The following RERE variants were observed in gnomAD, a reference collection of about 807,000 sequenced individuals.
RERE encodes arginine-glutamic acid dipeptide repeats.
A neutral mutation model predicts 146.1 loss-of-function variants in RERE; 40 were observed. That is an observed-to-expected ratio of 0.27 (90% CI 0.21 to 0.36). The LOEUF is 0.36. Among genes scored for constraint, RERE ranks in the 10% least tolerant of loss-of-function variants. RERE has a pLI of 1.00. For synonymous variants in RERE, 1,003 were observed against 866.0 expected, an observed-to-expected ratio of 1.16 and a Z score of -2.78; for missense variants, 1,933 against 2,138.7, an observed-to-expected ratio of 0.90 and a Z score of 1.90.
intron 12 of RERE, among the ~76,000 whole-genome samples, chr1:8,415,678 A>G (rs1485288117): frequency 6.6e-6 from 1 of 152,236 alleles, no homozygotes; most frequent in Non-Finnish European, 1.5e-5. Context: ...CTTCACTTAC[A>G]CAAGGGAATA....
intron 4 of RERE, among the ~76,000 whole-genome samples, chr1:8,575,561 A>ATATATATATATATATATATTTT (rs1337650659): frequency 1.0e-5 from 1 of 98,678 alleles, no homozygotes; most frequent in African/African-American, 4.6e-5. Context: ...ATATATATAT[A>ATATATATATATATATATATTTT]TTTTTTTTTT....
intron 6 of RERE, among the ~76,000 whole-genome samples, chr1:8,548,715 T>A (rs945995844): frequency 4.6e-5 from 7 of 152,244 alleles, no homozygotes; most frequent in Non-Finnish European, 8.8e-5. Context: ...CCAGGCCCAG[T>A]GGCTCACGCC....
At chr1:8,630,328 T>C (rs1050765825) in intron 2 of RERE, among the ~76,000 whole-genome samples, 2 of 151,904 alleles carry the variant, frequency 1.3e-5, no homozygotes, top group Admixed American at 6.6e-5. Context: ...CTCAACTCTA[T>C]AAACAATGCA....
At chr1:8,750,955 A>C in intron 1 of RERE, 1 of 720,058 alleles carries the variant, frequency 1.4e-6, no homozygotes, top group East Asian at 2.5e-5. Flanking sequence ...TGATTGCTCT[A>C]TCTCTTGGTA....
At position 8,556,468 on chromosome 1, in the gene RERE, T is replaced by G; in HGVS notation, c.725+7A>C. ...TTCACATGGAAGAGCACGTCTCCAG[T>G]ACTTACCTAAGGGCAGCAGCATGGT... On this transcript the variant is annotated splice_region_variant and intron_variant, in intron 6 of 22. Transcript: ENST00000400908. 6.5e-7 allele frequency: 1 copy of G among 1,542,200 alleles called. No homozygotes were observed. The highest frequency in any genetic ancestry group is 9.0e-7 in the Non-Finnish European group (1 of 1,114,494).
intron 12 of RERE, among the ~76,000 whole-genome samples, chr1:8,415,270 T>G (rs1212791131): frequency 6.6e-6 from 1 of 152,172 alleles, no homozygotes; most frequent in Non-Finnish European, 1.5e-5. Context: ...CTTCCATTTG[T>G]TTTACTAGCT....
chr1:8,816,073 C>T (rs777867599), intron 1 of RERE, among the ~76,000 whole-genome samples: 1 of 152,174 alleles, frequency 6.6e-6, no homozygotes, highest in East Asian at 1.9e-4. Context: ...CTCTCCCCTC[C>T]CCCAACAGAC....
chr1:8,788,004 G>A (rs991203951), intron 1 of RERE, among the ~76,000 whole-genome samples: 2 of 152,048 alleles, frequency 1.3e-5, no homozygotes, highest in African/African-American at 4.8e-5. Context: ...AAGCTGGGGT[G>A]GGAGGACGGC....
rs549035009 is a variant in RERE, at chr1:8,653,446, G to A, written c.325+2527C>T. On this transcript the variant is annotated intron_variant, in intron 2 of 22. Transcript: ENST00000400908. ...GAGTTGGCCAGGCGCGATGGCTCACGCCTGTAATCCCAGCACTTTGGGAGG... is the reference window on the plus strand; with the variant it reads ...GAGTTGGCCAGGCGCGATGGCTCACACCTGTAATCCCAGCACTTTGGGAGG... Among the ~76,000 whole-genome samples, 57 of 152,210 alleles carry A rather than the reference G, an allele frequency of 3.7e-4. No individual in the cohort carries two copies. In the East Asian group the frequency reaches 5.2e-3, roughly 14 times the overall value.
At chr1:8,607,657 T>TGCCTCA (rs952773864) in intron 4 of RERE, among the ~76,000 whole-genome samples, 1 of 142,814 alleles carries the variant, frequency 7.0e-6, no homozygotes, top group African/African-American at 2.5e-5. Flanking sequence ...GTAATCCTCC[T>TGCCTCA]GCCTCAGCCT....
At chr1:8,564,826 A>ATG (rs796133984) in intron 4 of RERE, among the ~76,000 whole-genome samples, 2,216 of 117,782 alleles carry the variant, frequency 0.019, 63 homozygotes, top group East Asian at 0.05. Context: ...GTGTGTGTAT[A>ATG]TGTGTATGTG....
At chr1:8,690,663 A>G (rs756912681) in intron 1 of RERE, among the ~76,000 whole-genome samples, 1 of 152,216 alleles carries the variant, frequency 6.6e-6, no homozygotes, top group Non-Finnish European at 1.5e-5. Context: ...ACCTTTGTGG[A>G]TAGTTTCCTT....
chr1:8,396,107 A>T (rs1488624591), intron 12 of RERE, among the ~76,000 whole-genome samples: 1 of 152,228 alleles, frequency 6.6e-6, no homozygotes, highest in Non-Finnish European at 1.5e-5. Flanking sequence ...GTGACAAGTG[A>T]GAAGGCACAG....
intron 12 of RERE, among the ~76,000 whole-genome samples, chr1:8,403,433 CTTTTTT>C (rs70990565): frequency 2.2e-5 from 3 of 137,300 alleles, no homozygotes; most frequent in African/African-American, 8.2e-5. Context: ...TTCATATTTT[CTTTTTT>C]TTTTTTTTTC....
intron 8 of RERE, among the ~76,000 whole-genome samples, chr1:8,507,087 T>C (rs968788883): frequency 6.6e-6 from 1 of 152,078 alleles, no homozygotes; most frequent in Non-Finnish European, 1.5e-5. Flanking sequence ...GTCCTGTCAG[T>C]GAAAGCATCC....
intron 7 of RERE, chr1:8,526,162 G>A: frequency 1.3e-6 from 1 of 744,052 alleles, no homozygotes; most frequent in South Asian, 6.0e-5. Context: ...CCAACAGCAG[G>A]GAACTGAGCA....
intron 10 of RERE, among the ~76,000 whole-genome samples, chr1:8,475,913 G>T (rs1279076406): frequency 6.6e-6 from 1 of 152,162 alleles, no homozygotes. Flanking sequence ...AAATTTGTCT[G>T]AATGGTCTTA....
At position 8,624,347 on chromosome 1, in the gene RERE, G is replaced by A; in HGVS notation, c.359C>T (p.Thr120Ile). Residue 120 changes from threonine (T) to isoleucine (I), a missense_variant, in exon 3 of 23, where the codon ACA becomes ATA. By Grantham distance (89) the Thr-to-Ile change is moderately conservative. Transcript: ENST00000400908. ...CVYIESRRPN[T>I]PYFICSIQDF... The stretch of plus-strand genomic sequence containing the variant: ...TTGAATGCTACAGATGAAATACGGT[G>A]TGTTTGGCCTCCGACTCTCGATATA... The A allele has an allele frequency of 6.2e-7, 1 of 1,611,472 alleles. No individual in the cohort carries two copies. Among genetic ancestry groups the A allele is most frequent in the South Asian group, 1.1e-5 (1 of 90,980 alleles).
intron 1 of RERE, among the ~76,000 whole-genome samples, chr1:8,783,797 C>T (rs1641210851): frequency 6.6e-6 from 1 of 152,184 alleles, no homozygotes; most frequent in Non-Finnish European, 1.5e-5. Context: ...CAGCCCCTTA[C>T]CGGTGAACAT....
Sources: gnomAD v4.1 joint callset for allele counts (sites outside exome capture counted in the v4.1 genomes callset) on GRCh38, gnomAD v4.1.1 for gene constraint, MANE v1.5 for transcripts, NCBI Gene and HGNC (gene_info 2026-07-23, HGNC 2026-07-21) for gene names.